Variants in SYT1 observed in about 807,000 individuals in gnomAD.
SYT1 encodes the protein synaptotagmin-1.
SYT1 carries 8 observed loss-of-function variants against 44.8 expected under a neutral mutation model. The ratio of observed to expected loss-of-function variants is 0.18; its 90% CI spans 0.10 to 0.32. The LOEUF (loss-of-function observed/expected upper bound fraction) is 0.32. SYT1 is among the 10% of genes least tolerant of loss of function. The pLI, the probability that SYT1 is intolerant of heterozygous loss-of-function variation, is 1.00. For synonymous variants in SYT1, 154 were observed against 188.8 expected, an observed-to-expected ratio of 0.82 and a Z score of 1.51; for missense variants, 286 against 509.3, an observed-to-expected ratio of 0.56 and a Z score of 4.22.
chr12:79,299,507 G>C lies in SYT1; in HGVS notation c.766G>C (p.Val256Leu). The stretch of plus-strand genomic sequence containing the variant: ...TATGAACACAGTGGATTTTGGCCAT[G>C]TAACTGAGGAATGGCGTGACCTGCA... ...VPMNTVDFGH[V>L]TEEWRDLQSA... The change falls in exon 8 of 11, where the codon GTA (valine) becomes CTA (leucine). Residue 256 changes from valine to leucine, a missense_variant. Physicochemically the swap from Val to Leu is conservative, Grantham distance 32. This residue lies in a region of SYT1 where 81 missense variants were observed against 164.9 expected (regional missense o/e 0.49). Transcript: ENST00000261205. 1 of 1,613,494 alleles carries C rather than the reference G, an allele frequency of 6.2e-7. No homozygotes were observed. Among genetic ancestry groups the C allele is most frequent in the Non-Finnish European group, 8.5e-7 (1 of 1,179,570 alleles).
At chr12:79,010,900 A>G (rs1871368153) in intron 2 of SYT1, among the ~76,000 whole-genome samples, 1 of 152,204 alleles carries the variant, frequency 6.6e-6, no homozygotes, top group Non-Finnish European at 1.5e-5. Context: ...TCTTGCTCCC[A>G]TAAGAATGTT....
intron 1 of SYT1, among the ~76,000 whole-genome samples, chr12:78,929,271 A>G (rs1362055194): frequency 1.3e-5 from 2 of 151,314 alleles, no homozygotes; most frequent in East Asian, 1.9e-4. Flanking sequence ...ACGTGGCAGC[A>G]CATGCCTGTA....
rs372883941 is a variant in SYT1, at chr12:78,956,978, C to T, written c.-216-20821C>T. Among the ~76,000 whole-genome samples, 24 of 152,268 alleles carry T rather than the reference C, an allele frequency of 1.6e-4. No individual in the cohort carries two copies. The East Asian group carries it at 4.6e-3, about 29-fold the overall frequency. The stretch of plus-strand genomic sequence containing the variant: ...GAATGCACAGCAGAGTGAATATGGA[C>T]TATATCCTTTGTCCATTTTATCAGA... On this transcript the variant is annotated intron_variant, in intron 1 of 10. Coordinates refer to ENST00000261205, the MANE Select transcript of SYT1 (RefSeq NM_005639.3).
At chr12:79,281,481 A>G (rs912996346) in intron 4 of SYT1, among the ~76,000 whole-genome samples, 4 of 152,182 alleles carry the variant, frequency 2.6e-5, no homozygotes, top group Non-Finnish European at 4.4e-5. Context: ...AAGCTAAGCT[A>G]TGGGTATGCA....
At chr12:79,155,184 A>G (rs1051898518) in intron 3 of SYT1, among the ~76,000 whole-genome samples, 4 of 152,238 alleles carry the variant, frequency 2.6e-5, no homozygotes, top group Admixed American at 2.0e-4. Flanking sequence ...GTTCATTGCC[A>G]TGAAAGACCA....
At chr12:78,931,162 A>G (rs1002680150) in intron 1 of SYT1, among the ~76,000 whole-genome samples, 63 of 131,780 alleles carry the variant, frequency 4.8e-4, no homozygotes, top group African/African-American at 1.9e-3. Context: ...AAGTCTGTGG[A>G]AAGAAAGAAA....
chr12:79,062,914 C>T (rs1363862681), intron 3 of SYT1, among the ~76,000 whole-genome samples: 3 of 152,086 alleles, frequency 2.0e-5, no homozygotes, highest in Non-Finnish European at 2.9e-5. Context: ...TATCATTAAA[C>T]CATTTACAGA....
rs539705783 is a variant in SYT1 at position 79,014,336 on chromosome 12, G to A, written c.-83-32961G>A. ...CTTTTCAAATACTTTATACTATTTAGAATAATGTTTAGAATTCTTCCCTTT... is the reference window on the plus strand; with the variant it reads ...CTTTTCAAATACTTTATACTATTTAAAATAATGTTTAGAATTCTTCCCTTT... On this transcript the variant is annotated intron_variant, in intron 2 of 10. Transcript: ENST00000261205. 2.0e-5 allele frequency among the ~76,000 whole-genome samples: 3 copies of A among 152,070 alleles called. No individual in the cohort carries two copies. In the South Asian group the frequency reaches 6.2e-4, roughly 32 times the overall value.
At chr12:79,150,101 T>G in intron 3 of SYT1, among the ~76,000 whole-genome samples, 1 of 152,304 alleles carries the variant, frequency 6.6e-6, no homozygotes, top group African/African-American at 2.4e-5. Context: ...CATGGTATAA[T>G]TAAATCAAGT....
chr12:78,891,627 T>C (rs747255570), intron 1 of SYT1, among the ~76,000 whole-genome samples: 5 of 151,900 alleles, frequency 3.3e-5, no homozygotes, highest in Non-Finnish European at 7.4e-5. Context: ...TGGAAGAAGG[T>C]ATTTTTGGCA....
At chr12:79,354,358 A>G (rs1883029240) in intron 9 of SYT1, among the ~76,000 whole-genome samples, 1 of 152,254 alleles carries the variant, frequency 6.6e-6, no homozygotes, top group African/African-American at 2.4e-5. Context: ...TTTTCTTGAT[A>G]TGCCACAAGG....
At chr12:79,285,262 G>C (rs975146132) in intron 4 of SYT1, among the ~76,000 whole-genome samples, 20 of 152,276 alleles carry the variant, frequency 1.3e-4, no homozygotes, top group African/African-American at 4.8e-4. Context: ...ACAACACCTA[G>C]TATTTTATAG....
Position 78,944,577 on chromosome 12 carries a change from G to A in SYT1, c.-216-33222G>A, listed in dbSNP as rs138489774. Among the ~76,000 whole-genome samples, 850 of 151,820 alleles carry A rather than the reference G, an allele frequency of 5.6e-3. 8 individuals carry two copies. The highest frequency in any genetic ancestry group is 0.019 in the African/African-American group (805 of 41,440). ...CCCTTAGAGAATTATTCAAAAGACA[G>A]GTTACTTTATTTACTTCAATAAATA... On this transcript the variant is annotated intron_variant, in intron 1 of 10. Coordinates refer to ENST00000261205, the MANE Select transcript of SYT1 (RefSeq NM_005639.3).
intron 9 of SYT1, among the ~76,000 whole-genome samples, chr12:79,378,156 A>G (rs1482796578): frequency 6.6e-6 from 1 of 152,214 alleles, no homozygotes; most frequent in Non-Finnish European, 1.5e-5. Context: ...TAGATTATCA[A>G]ATTCAAATTC....
At chr12:79,215,224 TA>T (rs898064173) in intron 3 of SYT1, among the ~76,000 whole-genome samples, 3 of 152,128 alleles carry the variant, frequency 2.0e-5, no homozygotes, top group Admixed American at 1.3e-4. Flanking sequence ...GATGTGTGGA[TA>T]AATCAATTGA....
rs756585975 is a variant in SYT1, at chr12:79,353,638, T to C, written c.928+19T>C. 6 of 1,589,062 alleles carry C rather than the reference T, an allele frequency of 3.8e-6. No individual in the cohort carries two copies. The highest frequency in any genetic ancestry group is 1.7e-6 in the Non-Finnish European group (2 of 1,157,236). On this transcript the variant is annotated intron_variant, in intron 9 of 10. Coordinates refer to ENST00000261205, the MANE Select transcript of SYT1 (RefSeq NM_005639.3). ...TTATCCGGTAAGCCTGCAGTGTTTA[T>C]TGATTTTTTTCAAATGCTGTTTCGT...
chr12:79,369,168 A>G (rs1000464030), intron 9 of SYT1, among the ~76,000 whole-genome samples: 2 of 152,184 alleles, frequency 1.3e-5, no homozygotes, highest in African/African-American at 4.8e-5. Flanking sequence ...ACCTATCTAT[A>G]TTCAGTCTCT....
chr12:78,960,816 A>G (rs569558957), intron 1 of SYT1: 6 of 152,242 alleles, frequency 3.9e-5, no homozygotes, highest in African/African-American at 1.4e-4. Context: ...GTAGAACTAA[A>G]AATATTAGTT....
rs560003215 is a variant in SYT1 at position 79,142,883 on chromosome 12, G to A, written c.-17-74620G>A. 1.9e-4 allele frequency among the ~76,000 whole-genome samples: 29 copies of A among 152,254 alleles called. No individual in the cohort carries two copies. The South Asian group carries it at 5.4e-3, about 28-fold the overall frequency. Reference sequence around the variant, plus strand: ...ATTTGTGTCTGCTGCAGAATGCTTGGAGGAATATCATTTTTGCTTGCAGAA... The same window carrying A: ...ATTTGTGTCTGCTGCAGAATGCTTGAAGGAATATCATTTTTGCTTGCAGAA... On this transcript the variant is annotated intron_variant, in intron 3 of 10. Transcript: ENST00000261205.
Sources: allele counts gnomAD v4.1 joint callset (sites outside exome capture counted in the v4.1 genomes callset), GRCh38; gene constraint gnomAD v4.1.1; regional missense constraint gnomAD v4.1.1; transcripts MANE v1.5; gene names NCBI Gene and HGNC (gene_info 2026-07-23, HGNC 2026-07-21).